Variants in CNTLN observed in about 807,000 individuals in gnomAD.
The protein encoded by CNTLN is centlein, also known as centlein, centrosomal protein.
CNTLN carries 212 observed loss-of-function variants against 180.0 expected under a neutral mutation model. The observed-to-expected ratio is 1.18, with a 90% confidence interval of 1.05 to 1.32. The LOEUF is 1.32. Among genes scored for constraint, CNTLN ranks in the 40% most tolerant of loss-of-function variants. The pLI is 0.00. For synonymous variants in CNTLN, 722 were observed against 563.1 expected, an observed-to-expected ratio of 1.28 and a Z score of -3.99; for missense variants, 2,095 against 1,610.9, an observed-to-expected ratio of 1.30 and a Z score of -5.14.
chr9:17,212,979 A>T (rs992726365), intron 2 of CNTLN, among the ~76,000 whole-genome samples: 3 of 151,834 alleles, frequency 2.0e-5, no homozygotes, highest in Non-Finnish European at 4.4e-5. Flanking sequence ...CGGTCTATCA[A>T]TTTTGTGGAT....
At chr9:17,246,650 G>C (rs1285013878) in intron 5 of CNTLN, among the ~76,000 whole-genome samples, 2 of 152,180 alleles carry the variant, frequency 1.3e-5, no homozygotes, top group Non-Finnish European at 2.9e-5. Context: ...GTTTGCCCTG[G>C]CCATGTGTAG....
intron 5 of CNTLN, among the ~76,000 whole-genome samples, chr9:17,242,676 A>G (rs888180350): frequency 6.6e-6 from 1 of 152,188 alleles, no homozygotes; most frequent in Non-Finnish European, 1.5e-5. Context: ...TGATTTGCAT[A>G]TGTTAAACCA....
intron 12 of CNTLN, among the ~76,000 whole-genome samples, chr9:17,359,725 C>CAAAAAAAAAAAAAAAAAACCAAAA (rs1344925686): frequency 1.7e-3 from 37 of 21,320 alleles, no homozygotes; most frequent in East Asian, 9.8e-3. Context: ...ACTAAAAATA[C>CAAAAAAAAAAAAAAAAAACCAAAA]AAAAAAAAAA....
chr9:17,282,791 C>T (rs1009343197), intron 6 of CNTLN, among the ~76,000 whole-genome samples: 4 of 152,156 alleles, frequency 2.6e-5, no homozygotes, highest in South Asian at 2.1e-4. Flanking sequence ...GGTCCAGTTT[C>T]AGTTTTCTCC....
intron 5 of CNTLN, among the ~76,000 whole-genome samples, chr9:17,259,370 A>G (rs11523043): frequency 0.11 from 11,567 of 109,160 alleles, 846 homozygotes; most frequent in Middle Eastern, 0.17. Flanking sequence ...TGCTGGATTC[A>G]GTTTGCCAGT....
intron 12 of CNTLN, among the ~76,000 whole-genome samples, chr9:17,366,274 C>T (rs1009023250): frequency 1.5e-4 from 22 of 149,716 alleles, no homozygotes; most frequent in South Asian, 8.5e-4. Context: ...TACAGGTGCG[C>T]GTAACCATGA....
At chr9:17,237,902 T>C (rs1047384288) in intron 5 of CNTLN, among the ~76,000 whole-genome samples, 1 of 152,148 alleles carries the variant, frequency 6.6e-6, no homozygotes, top group Admixed American at 6.6e-5. Context: ...GAGAACTGAA[T>C]TCTGGTGGAT....
At chr9:17,202,880 G>C (rs12237698) in intron 2 of CNTLN, among the ~76,000 whole-genome samples, 7,138 of 152,028 alleles carry the variant, frequency 0.047, 216 homozygotes, top group South Asian at 0.14. Flanking sequence ...CTGTCATCAT[G>C]ATGCTAGCTG....
At chr9:17,423,038 G>A (rs1374785872) in intron 18 of CNTLN, among the ~76,000 whole-genome samples, 2 of 152,186 alleles carry the variant, frequency 1.3e-5, no homozygotes, top group Non-Finnish European at 2.9e-5. Context: ...GACAGAGACT[G>A]TCATTCTCTT....
intron 2 of CNTLN, among the ~76,000 whole-genome samples, chr9:17,188,448 T>A (rs894614213): frequency 2.0e-5 from 3 of 152,146 alleles, no homozygotes; most frequent in African/African-American, 7.2e-5. Flanking sequence ...TTGTCTTTTT[T>A]TGGCATTCTT....
chr9:17,285,691 G>A (rs200745021), intron 6 of CNTLN, among the ~76,000 whole-genome samples: 3,243 of 108,732 alleles, frequency 0.03, 55 homozygotes, highest in East Asian at 0.14. Flanking sequence ...TTTAATGATT[G>A]CCATTCTAAC....
chr9:17,248,936 T>G (rs1825962000), intron 5 of CNTLN, among the ~76,000 whole-genome samples: 2 of 152,056 alleles, frequency 1.3e-5, no homozygotes, highest in South Asian at 4.1e-4. Context: ...TCATTTTGGA[T>G]TTTAGTTATT....
At chr9:17,183,988 GT>G (rs1821280654) in intron 2 of CNTLN, among the ~76,000 whole-genome samples, 2 of 152,052 alleles carry the variant, frequency 1.3e-5, no homozygotes, top group Admixed American at 1.3e-4. Flanking sequence ...GTAATTTCTG[GT>G]TGAAATGGAA....
intron 18 of CNTLN, among the ~76,000 whole-genome samples, chr9:17,440,888 C>T (rs1830069158): frequency 6.6e-6 from 1 of 152,092 alleles, no homozygotes; most frequent in Non-Finnish European, 1.5e-5. Flanking sequence ...CCAGAAAAGG[C>T]AAAATCCATA....
chr9:17,195,032 T>A (rs1354901981), intron 2 of CNTLN, among the ~76,000 whole-genome samples: 1 of 152,114 alleles, frequency 6.6e-6, no homozygotes, highest in Non-Finnish European at 1.5e-5. Flanking sequence ...TCCCACCGTG[T>A]CCCTCCCATA....
At chr9:17,512,223 A>G in the CNTLN span, among the ~76,000 whole-genome samples, 1 of 152,244 alleles carries the variant, frequency 6.6e-6, no homozygotes, top group Non-Finnish European at 1.5e-5. Context: ...AGTGTAAAGC[A>G]TTAGAGATTC....
At chr9:17,188,057 A>G (rs186152496) in intron 2 of CNTLN, among the ~76,000 whole-genome samples, 72 of 150,740 alleles carry the variant, frequency 4.8e-4, no homozygotes, top group African/African-American at 1.3e-3. Context: ...GTATATATAT[A>G]AATTGTAGTT....
the CNTLN span, among the ~76,000 whole-genome samples, chr9:17,518,183 G>A: frequency 6.6e-6 from 1 of 151,466 alleles, no homozygotes; most frequent in Non-Finnish European, 1.5e-5. Flanking sequence ...AAGTAGCTAG[G>A]ATTACAGATG....
intron 2 of CNTLN, among the ~76,000 whole-genome samples, chr9:17,166,635 A>G (rs1820088348): frequency 6.6e-6 from 1 of 152,186 alleles, no homozygotes; most frequent in Non-Finnish European, 1.5e-5. Flanking sequence ...AATAATTAGA[A>G]TAACAGTGAT....
Sources: allele counts gnomAD v4.1 joint callset (sites outside exome capture counted in the v4.1 genomes callset), GRCh38; gene constraint gnomAD v4.1.1; transcripts MANE v1.5; gene names NCBI Gene and HGNC (gene_info 2026-07-23, HGNC 2026-07-21).